Variants in ASCC1 observed in about 807,000 individuals in gnomAD.
ASCC1 encodes activating signal cointegrator 1 complex subunit 1.
Under a neutral mutation model 46.6 loss-of-function variants are expected in ASCC1, and 35 were observed. That is an observed-to-expected ratio of 0.75 (90% confidence interval 0.57 to 0.99). The LOEUF is 0.99. Ranked by LOEUF, ASCC1 falls within the 50% of genes least tolerant of loss-of-function variation. The pLI is 0.00. For missense variants in ASCC1, 376 were observed against 428.7 expected (o/e 0.88, Z 1.09); for synonymous variants, 143 against 146.6 (o/e 0.98, Z 0.18).
At chr10:72,130,205 G>A (rs1845427680) in intron 8 of ASCC1, among the ~76,000 whole-genome samples, 1 of 152,088 alleles carries the variant, frequency 6.6e-6, no homozygotes, top group African/African-American at 2.4e-5. Flanking sequence ...GTGGAGGTCA[G>A]GGGAGGGCAG....
chr10:72,177,512 CA>C (rs1340149054), intron 5 of ASCC1, among the ~76,000 whole-genome samples: 11 of 152,210 alleles, frequency 7.2e-5, no homozygotes, highest in Admixed American at 7.2e-4. Context: ...CTCCATGTTA[CA>C]ATATGAGCAG....
At chr10:72,190,857 G>A (rs1392348139) in intron 5 of ASCC1, among the ~76,000 whole-genome samples, 12 of 151,180 alleles carry the variant, frequency 7.9e-5, no homozygotes, top group Admixed American at 2.0e-4. Flanking sequence ...TTCGCTGGGC[G>A]TGGTGGCAGG....
At chr10:72,114,715 T>A (rs922223911) in intron 9 of ASCC1, among the ~76,000 whole-genome samples, 4 of 152,202 alleles carry the variant, frequency 2.6e-5, no homozygotes, top group African/African-American at 9.6e-5. Context: ...TAACTATATC[T>A]TTATGACATA....
chr10:72,198,550 G>A (rs977036014), intron 4 of ASCC1: 3 of 455,642 alleles, frequency 6.6e-6, no homozygotes, highest in African/African-American at 6.0e-5. Flanking sequence ...TGTCTCTACA[G>A]TGGTTGGAGG....
intron 4 of ASCC1, among the ~76,000 whole-genome samples, chr10:72,200,254 C>T (rs1856301715): frequency 6.6e-6 from 1 of 151,984 alleles, no homozygotes; most frequent in African/African-American, 2.4e-5. Flanking sequence ...GTGTTAATAG[C>T]AATTATGTTT....
At position 72,142,193 on chromosome 10, in the gene ASCC1, A is replaced by C. The variant is rs1015498596; in HGVS notation, c.747-9012T>G. Among the ~76,000 whole-genome samples the C allele has an allele frequency of 2.0e-5, 3 of 152,168 alleles. No individual in the cohort carries two copies. The East Asian group carries it at 5.8e-4, about 29-fold the overall frequency. On this transcript the variant is annotated intron_variant, in intron 7 of 9. Coordinates refer to ENST00000672957, the MANE Select transcript of ASCC1 (RefSeq NM_001198800.3). ...AAATTTTATCAAAAGTCTTTCAGCC[A>C]TGCACTTAGCTATTATTTTTTAATT... is the stretch of plus-strand genomic sequence containing the variant.
chr10:72,166,509 AAAC>A (rs1391717595), intron 5 of ASCC1, among the ~76,000 whole-genome samples: 2 of 151,540 alleles, frequency 1.3e-5, no homozygotes, highest in African/African-American at 4.9e-5. Context: ...TACAAAAAAA[AAAC>A]AAAACCCACA....
chr10:72,195,747 T>C (rs372040356), intron 5 of ASCC1, among the ~76,000 whole-genome samples: 11 of 151,794 alleles, frequency 7.2e-5, no homozygotes, highest in African/African-American at 2.4e-4. Context: ...GATAGGAGAA[T>C]TGCTTGAACC....
intron 6 of ASCC1, among the ~76,000 whole-genome samples, chr10:72,153,586 C>T (rs936893734): frequency 6.7e-6 from 1 of 150,040 alleles, no homozygotes; most frequent in Middle Eastern, 3.6e-3. Flanking sequence ...CCACCACGCC[C>T]GCCTAATTTT....
chr10:72,172,586 T>A (rs1444646159), intron 5 of ASCC1, among the ~76,000 whole-genome samples: 1 of 147,850 alleles, frequency 6.8e-6, no homozygotes, highest in Non-Finnish European at 1.5e-5. Context: ...CCTCAAGTGA[T>A]CCGCTGGCCT....
At chr10:72,125,618 G>C (rs556340281) in intron 9 of ASCC1, among the ~76,000 whole-genome samples, 12 of 152,268 alleles carry the variant, frequency 7.9e-5, no homozygotes, top group Admixed American at 7.8e-4. Context: ...CTCTGTGTTG[G>C]GGGTGGGAGG....
At chr10:72,186,799 T>C (rs184852363) in intron 5 of ASCC1, among the ~76,000 whole-genome samples, 25 of 152,192 alleles carry the variant, frequency 1.6e-4, no homozygotes, top group African/African-American at 5.3e-4. Context: ...AGGAAGTCCT[T>C]TGGACTGATT....
chr10:72,152,836 T>C (rs777031634), intron 7 of ASCC1, 33 bp downstream of exon 7: 12 of 1,613,896 alleles, frequency 7.4e-6, no homozygotes, highest in Non-Finnish European at 1.0e-5. Context: ...AGGTACCTCT[T>C]GATTGAAACA....
Position 72,211,594 on chromosome 10 carries a change from T to G in ASCC1, c.113-763A>C, listed in dbSNP as rs187385963. 9.9e-5 allele frequency among the ~76,000 whole-genome samples: 15 copies of G among 151,544 alleles called. No individual in the cohort carries two copies. In the East Asian group the frequency reaches 2.9e-3, roughly 29 times the overall value. ...TGTCTCTTAAAAAAAAAATTACGGC[T>G]GGGCACGGTGACTCATGCCTGTAAT... On this transcript the variant is annotated intron_variant, in intron 2 of 9. Transcript: ENST00000672957.
intron 4 of ASCC1, chr10:72,198,531 C>T (rs1855988574): frequency 6.6e-6 from 3 of 455,534 alleles, no homozygotes; most frequent in Non-Finnish European, 1.3e-5. Context: ...AGGCAATTTA[C>T]TGAAACTCTG....
At chr10:72,123,377 C>G (rs2132167219) in intron 9 of ASCC1, among the ~76,000 whole-genome samples, 1 of 150,912 alleles carries the variant, frequency 6.6e-6, no homozygotes, top group East Asian at 1.9e-4. Flanking sequence ...ATGAAAATAA[C>G]TGAAAAGAGG....
rs146138639 is a variant in ASCC1 at position 72,097,364 on chromosome 10, G to A, written c.1044C>T (p.Tyr348=). 2.3e-4 allele frequency: 374 copies of A among 1,613,400 alleles called. 2 individuals are homozygous for A. The African/African-American group carries it at 3.4e-3, about 15-fold the overall frequency. Reference sequence around the variant, plus strand: ...AGAAGTCAATTTGTCCACAGGAAGCGTAGTTTCCAAAGCTGTCTACGGTGA... The same window carrying A: ...AGAAGTCAATTTGTCCACAGGAAGCATAGTTTCCAAAGCTGTCTACGGTGA... ...QRFTVDSFGN[Y]ASCGQIDFS is the part of the protein sequence containing the mutation. The change falls in exon 10 of 10, where the codon TAC becomes TAT. Residue 348 remains tyrosine (Y), a synonymous_variant. Coordinates refer to ENST00000672957, the MANE Select transcript of ASCC1 (RefSeq NM_001198800.3).
At chr10:72,213,670 G>C (rs1858536308) in intron 1 of ASCC1, among the ~76,000 whole-genome samples, 1 of 151,860 alleles carries the variant, frequency 6.6e-6, no homozygotes, top group African/African-American at 2.4e-5. Flanking sequence ...CACTTTGGGA[G>C]GCCAAGGTGG....
chr10:72,120,165 T>G (rs905764449), intron 9 of ASCC1, among the ~76,000 whole-genome samples: 2 of 151,960 alleles, frequency 1.3e-5, no homozygotes, highest in Non-Finnish European at 2.9e-5. Context: ...GAGGCGGAGG[T>G]TGCAGTGAGC....
Sources: allele counts gnomAD v4.1 joint callset (sites outside exome capture counted in the v4.1 genomes callset), GRCh38; gene constraint gnomAD v4.1.1; transcripts MANE v1.5; gene names NCBI Gene and HGNC (gene_info 2026-07-23, HGNC 2026-07-21).